Variants in CYP4Z1 observed in about 807,000 individuals in gnomAD.
CYP4Z1 encodes cytochrome P450 family 4 subfamily Z member 1, also known as cytochrome P450 4Z1.
CYP4Z1 carries 41 observed loss-of-function variants against 54.2 expected under a neutral mutation model. That is an observed-to-expected ratio of 0.76 (90% CI 0.59 to 0.98). CYP4Z1 has a LOEUF of 0.98. CYP4Z1 is among the 50% of genes least tolerant of loss of function. The pLI is 0.00. For missense variants in CYP4Z1, 513 were observed against 599.0 expected (o/e 0.86, Z 1.50); for synonymous variants, 163 against 206.2 (o/e 0.79, Z 1.79).
chr1:47,093,936 A>G (rs1482058774), intron 6 of CYP4Z1, among the ~76,000 whole-genome samples: 1 of 152,208 alleles, frequency 6.6e-6, no homozygotes, highest in African/African-American at 2.4e-5. Flanking sequence ...TTTTCCAGGC[A>G]TAGAACTTTG....
At chr1:47,097,321 T>C (rs1019198111) in intron 7 of CYP4Z1, 1 of 152,268 alleles carries the variant, frequency 6.6e-6, no homozygotes, top group Non-Finnish European at 1.5e-5. Flanking sequence ...CCTTTGGGTA[T>C]ATACCCAGTA....
At chr1:47,103,581 T>G (rs1387501496) in intron 8 of CYP4Z1, among the ~76,000 whole-genome samples, 1 of 138,522 alleles carries the variant, frequency 7.2e-6, no homozygotes, top group East Asian at 2.8e-4. Flanking sequence ...TCTTCTTTTT[T>G]TTTTCTTTTT....
chr1:47,111,737 T>TA (rs964670398), intron 9 of CYP4Z1, among the ~76,000 whole-genome samples: 3 of 152,100 alleles, frequency 2.0e-5, no homozygotes, highest in Admixed American at 6.5e-5. Flanking sequence ...TAGACCACAA[T>TA]AAAAAAACTT....
At chr1:47,114,071 C>G (rs1259695292) in intron 9 of CYP4Z1, among the ~76,000 whole-genome samples, 2 of 151,834 alleles carry the variant, frequency 1.3e-5, no homozygotes, top group Non-Finnish European at 3.0e-5. Context: ...GTAACCAAAA[C>G]AGCATGGTAC....
Position 47,094,624 on chromosome 1 carries a change from T to A in CYP4Z1, c.831T>A (p.Thr277=). The A allele has an allele frequency of 6.2e-7, 1 of 1,611,452 alleles. No individual in the cohort carries two copies. ...SLKDKLKQDT[T]QKRRWDFLDI... is the part of the protein sequence containing the mutation. ...AGGATAAGCTAAAACAAGATACTAC[T>A]CAGAAAAGGCGCTGGGATTTTCTGG... Residue 277 remains threonine, a synonymous_variant, in exon 7 of 12, where the codon ACT becomes ACA. Coordinates refer to ENST00000334194, the MANE Select transcript of CYP4Z1 (RefSeq NM_178134.3).
chr1:47,063,743 C>T (rs2221323), upstream of CYP4Z1, among the ~76,000 whole-genome samples: 63,558 of 151,620 alleles, frequency 0.42, 14,656 homozygotes, highest in East Asian at 0.97. Flanking sequence ...TTTGGGACTA[C>T]GTTATATGTC....
rs1644478433 is a variant in CYP4Z1 at position 47,069,709 on chromosome 1, G to C, written c.319+946G>C. Among the ~76,000 whole-genome samples the C allele has an allele frequency of 1.3e-5, 2 of 151,692 alleles. 1 individual carries two copies. Among genetic ancestry groups the C allele is most frequent in the South Asian group, 4.1e-4 (2 of 4,822 alleles). On this transcript the variant is annotated intron_variant, in intron 2 of 11. Transcript: ENST00000334194. ...GAGAAGGGAGGCTTAGTTTCTGGCT[G>C]TTTTTCTTTTTTTGTGGTTGGTTGT...
upstream of CYP4Z1, among the ~76,000 whole-genome samples, chr1:47,062,663 C>T (rs377536348): frequency 3.9e-5 from 6 of 152,114 alleles, no homozygotes; most frequent in African/African-American, 9.7e-5. Context: ...AACTACACCC[C>T]CATCCCCCAC....
At chr1:47,107,518 A>C (rs1330733185) in intron 9 of CYP4Z1, among the ~76,000 whole-genome samples, 2 of 152,258 alleles carry the variant, frequency 1.3e-5, no homozygotes, top group Non-Finnish European at 2.9e-5. Context: ...TATTGCATCC[A>C]TACACATAAT....
intron 3 of CYP4Z1, among the ~76,000 whole-genome samples, chr1:47,082,000 G>C (rs1644558200): frequency 6.7e-6 from 1 of 149,916 alleles, no homozygotes; most frequent in Non-Finnish European, 1.5e-5. Context: ...AGGAATTATT[G>C]GCTCTGAAGG....
intron 2 of CYP4Z1, among the ~76,000 whole-genome samples, chr1:47,076,751 A>T (rs1644525305): frequency 6.7e-6 from 1 of 148,878 alleles, no homozygotes; most frequent in Admixed American, 6.7e-5. Context: ...AGGCTGAGGC[A>T]GGAGAATGGC....
At chr1:47,114,153 C>G (rs1644813023) in intron 9 of CYP4Z1, among the ~76,000 whole-genome samples, 1 of 152,202 alleles carries the variant, frequency 6.6e-6, no homozygotes, top group Non-Finnish European at 1.5e-5. Context: ...ATATCTACAA[C>G]TATCTGATCT....
intron 2 of CYP4Z1, chr1:47,075,049 A>C (rs1023768417): frequency 4.7e-6 from 2 of 425,080 alleles, no homozygotes; most frequent in African/African-American, 4.7e-5. Context: ...GCAGCAAGCC[A>C]TGTATTTACC....
At chr1:47,102,022 GT>G (rs912412620) in intron 8 of CYP4Z1, among the ~76,000 whole-genome samples, 1 of 152,010 alleles carries the variant, frequency 6.6e-6, no homozygotes, top group Non-Finnish European at 1.5e-5. Flanking sequence ...AACTTTCTAT[GT>G]CTTTTTTACT....
At position 47,078,882 on chromosome 1, in the gene CYP4Z1, G is replaced by A. The variant is rs1294211502; in HGVS notation, c.320-1741G>A. On this transcript the variant is annotated intron_variant, in intron 2 of 11. Coordinates refer to ENST00000334194, the MANE Select transcript of CYP4Z1 (RefSeq NM_178134.3). ...ATGCATCCTACCCTGGGTATGTGTA[G>A]GTTCCCTGTTATATGTGAGAACTTT... Among the ~76,000 whole-genome samples, 27 of 149,640 alleles carry A rather than the reference G, an allele frequency of 1.8e-4. 1 individual carries two copies. The highest frequency in any genetic ancestry group is 5.9e-5 in the Non-Finnish European group (4 of 67,550).
At chr1:47,065,197 C>T (rs1446601508), upstream of CYP4Z1, among the ~76,000 whole-genome samples, 1 of 152,068 alleles carries the variant, frequency 6.6e-6, no homozygotes, top group African/African-American at 2.4e-5. Context: ...CAGATATTAA[C>T]GAACATTCTA....
chr1:47,056,670 T>C, the CYP4Z1 span, among the ~76,000 whole-genome samples: 1 of 152,202 alleles, frequency 6.6e-6, no homozygotes, highest in Non-Finnish European at 1.5e-5. Context: ...TTTACCATTA[T>C]GTAATGGCCT....
In CYP4Z1 at chr1:47,117,821, A is replaced by G. The variant is rs1644841726; in HGVS notation, c.1405A>G (p.Thr469Ala). 2 of 1,613,194 alleles carry G rather than the reference A, an allele frequency of 1.2e-6. No homozygotes were observed. The highest frequency in any genetic ancestry group is 1.7e-6 in the Non-Finnish European group (2 of 1,179,700). The change falls in exon 12 of 12, where the codon ACT (threonine) becomes GCT (alanine). Residue 469 changes from threonine (T) to alanine (A), a missense_variant. By Grantham distance (58) the Thr-to-Ala change is moderately conservative. Coordinates refer to ENST00000334194, the MANE Select transcript of CYP4Z1 (RefSeq NM_178134.3). ...IIECKVAVALTLLRFKLAPDH... is the reference protein window; with the variant it reads ...IIECKVAVALALLRFKLAPDH... ...TGAGTGTAAAGTGGCAGTGGCATTA[A>G]CTCTGCTCCGCTTCAAGCTGGCTCC...
At chr1:47,094,744 A>G (rs1361406605) in intron 7 of CYP4Z1, 75 bp downstream of exon 7, 1 of 1,042,440 alleles carries the variant, frequency 9.6e-7, no homozygotes, top group Non-Finnish European at 1.4e-6. Context: ...CACAGTGACT[A>G]GCACCTGTAA....
Sources: allele counts gnomAD v4.1 joint callset (sites outside exome capture counted in the v4.1 genomes callset), GRCh38; gene constraint gnomAD v4.1.1; transcripts MANE v1.5; gene names NCBI Gene and HGNC (gene_info 2026-07-23, HGNC 2026-07-21).